PDE4D: variants seen among roughly 807,000 people sequenced by gnomAD.
PDE4D encodes the protein 3',5'-cyclic-AMP phosphodiesterase 4D.
PDE4D carries 24 observed loss-of-function variants against 87.4 expected under a neutral mutation model. The ratio of observed to expected loss-of-function variants is 0.27; its 90% CI spans 0.20 to 0.39. The LOEUF (loss-of-function observed/expected upper bound fraction) is 0.39, where lower values mean the gene tolerates loss of function less well. Among genes scored for constraint, PDE4D ranks in the 10% least tolerant of loss-of-function variants. The probability of loss-of-function intolerance (pLI) is 1.00; values close to 1 mark genes in which losing one functional copy is unlikely to be tolerated. For missense variants in PDE4D, 714 were observed against 1,041.0 expected (o/e 0.69, Z 4.32); for synonymous variants, 384 against 383.2 (o/e 1.00, Z -0.02).
chr5:59,845,529 T>C (rs1011060370), intron 1 of PDE4D, among the ~76,000 whole-genome samples: 4 of 152,078 alleles, frequency 2.6e-5, no homozygotes, highest in Non-Finnish European at 5.9e-5. Context: ...CTAAAATATA[T>C]TGGGACATCT....
At chr5:59,275,930 G>A in intron 1 of PDE4D, 4 of 985,210 alleles carry the variant, frequency 4.1e-6, no homozygotes, top group Non-Finnish European at 4.8e-6. Context: ...GTCAGCCAAG[G>A]AACAAATCTC....
chr5:60,046,539 C>T (rs1377705507), intron 2 of PDE4D, among the ~76,000 whole-genome samples: 5 of 151,940 alleles, frequency 3.3e-5, no homozygotes, highest in Non-Finnish European at 7.4e-5. Flanking sequence ...GAAATACATC[C>T]CATCAATACC....
At chr5:59,712,261 CATA>C (rs1021373024) in intron 1 of PDE4D, among the ~76,000 whole-genome samples, 5 of 151,532 alleles carry the variant, frequency 3.3e-5, no homozygotes, top group African/African-American at 1.2e-4. Context: ...TCCATAGTCT[CATA>C]ATATTTTTCT....
At chr5:59,719,213 A>C (rs1755471869) in intron 1 of PDE4D, among the ~76,000 whole-genome samples, 1 of 152,112 alleles carries the variant, frequency 6.6e-6, no homozygotes, top group South Asian at 2.1e-4. Context: ...CCAGGAGAAA[A>C]AAAAAGGCCT....
chr5:59,545,248 T>C (rs1016755247), intron 1 of PDE4D, among the ~76,000 whole-genome samples: 4 of 152,110 alleles, frequency 2.6e-5, no homozygotes, highest in African/African-American at 7.2e-5. Flanking sequence ...TGGAACCTGG[T>C]AGGCAGTCAG....
chr5:60,504,905 C>A (rs1750256424), intron 1 of PDE4D, among the ~76,000 whole-genome samples: 1 of 152,168 alleles, frequency 6.6e-6, no homozygotes, highest in South Asian at 2.1e-4. Flanking sequence ...CTAAACCTAT[C>A]CTCCCCCAAC....
chr5:60,466,722 G>A (rs143448599), intron 1 of PDE4D, among the ~76,000 whole-genome samples: 54 of 152,132 alleles, frequency 3.5e-4, no homozygotes, highest in African/African-American at 1.3e-3. Context: ...TATCAACTAG[G>A]ATTGTCTCAT....
chr5:59,660,080 G>A (rs578255562), intron 1 of PDE4D, among the ~76,000 whole-genome samples: 62 of 152,114 alleles, frequency 4.1e-4, no homozygotes, highest in African/African-American at 1.4e-3. Context: ...AGCTACTCAC[G>A]AGGCTAAGGT....
chr5:59,578,320 A>G (rs1049079748), intron 1 of PDE4D, among the ~76,000 whole-genome samples: 1 of 152,170 alleles, frequency 6.6e-6, no homozygotes, highest in Non-Finnish European at 1.5e-5. Flanking sequence ...TTCCACCACT[A>G]CCAAATAAAA....
chr5:59,037,401 C>G (rs1373812827), intron 6 of PDE4D, among the ~76,000 whole-genome samples: 1 of 152,152 alleles, frequency 6.6e-6, no homozygotes, highest in Non-Finnish European at 1.5e-5. Flanking sequence ...AGTTAGGACA[C>G]TGGACATATT....
chr5:60,031,349 T>C (rs1478528496), intron 2 of PDE4D, among the ~76,000 whole-genome samples: 1 of 152,212 alleles, frequency 6.6e-6, no homozygotes, highest in African/African-American at 2.4e-5. Context: ...CAAAGGCTAT[T>C]TGCTTTCCTT....
chr5:59,132,717 A>G (rs1333769423), intron 5 of PDE4D, among the ~76,000 whole-genome samples: 1 of 152,200 alleles, frequency 6.6e-6, no homozygotes, highest in East Asian at 1.9e-4. Context: ...TGTTGATAAT[A>G]TTAACATTTC....
chr5:59,672,334 T>C (rs1013401123), intron 1 of PDE4D, among the ~76,000 whole-genome samples: 2 of 152,158 alleles, frequency 1.3e-5, no homozygotes, highest in Admixed American at 6.6e-5. Flanking sequence ...CCAACAAGCA[T>C]GTACCTAATG....
At chr5:60,439,495 AG>A (rs1380732648) in intron 1 of PDE4D, among the ~76,000 whole-genome samples, 1 of 152,102 alleles carries the variant, frequency 6.6e-6, no homozygotes, top group Non-Finnish European at 1.5e-5. Context: ...ATGGCATCAG[AG>A]TTTTGTATTG....
intron 1 of PDE4D, among the ~76,000 whole-genome samples, chr5:60,431,828 C>T (rs1744342516): frequency 6.6e-6 from 1 of 152,230 alleles, no homozygotes; most frequent in Non-Finnish European, 1.5e-5. Context: ...CCCAGCACCT[C>T]GGGAGGCCGA....
intron 3 of PDE4D, among the ~76,000 whole-genome samples, chr5:59,963,861 C>G (rs960501367): frequency 2.0e-5 from 3 of 152,166 alleles, no homozygotes; most frequent in East Asian, 1.9e-4. Context: ...CCCTCCTAGA[C>G]TGATGAAGGG....
At chr5:59,716,096 T>C (rs1373140963) in intron 1 of PDE4D, among the ~76,000 whole-genome samples, 2 of 152,194 alleles carry the variant, frequency 1.3e-5, no homozygotes, top group Admixed American at 1.3e-4. Context: ...GGAAAATGGA[T>C]GTGCTGCTCT....
At chr5:59,275,422 G>A in intron 1 of PDE4D, 3 of 1,594,926 alleles carry the variant, frequency 1.9e-6, no homozygotes, top group Non-Finnish European at 2.5e-6. Flanking sequence ...AAATAAAAAG[G>A]AAAATAAGTC....
At chr5:59,043,279 T>C (rs564733252) in intron 5 of PDE4D, among the ~76,000 whole-genome samples, 20 of 152,302 alleles carry the variant, frequency 1.3e-4, no homozygotes, top group African/African-American at 4.6e-4. Context: ...ATCCCAGCAC[T>C]TTGGGAGGCC....
Sources: gnomAD v4.1 joint callset for allele counts (sites outside exome capture counted in the v4.1 genomes callset) on GRCh38, gnomAD v4.1.1 for gene constraint, MANE v1.5 for transcripts, NCBI Gene and HGNC (gene_info 2026-07-23, HGNC 2026-07-21) for gene names.